RXFP1: variants seen among roughly 807,000 people sequenced by gnomAD.
RXFP1 encodes relaxin receptor 1.
Under a neutral mutation model 89.8 loss-of-function variants are expected in RXFP1, and 73 were observed. The observed-to-expected ratio is 0.81, with a 90% confidence interval of 0.67 to 0.99. The LOEUF is 0.99. Among genes scored for constraint, RXFP1 ranks in the 50% least tolerant of loss-of-function variants. The pLI, the probability that RXFP1 is intolerant of heterozygous loss-of-function variation, is 0.00. For missense variants in RXFP1, 793 were observed against 895.5 expected, an observed-to-expected ratio of 0.89 and a Z score of 1.46; for synonymous variants, 277 against 305.5, an observed-to-expected ratio of 0.91 and a Z score of 0.97.
chr4:158,631,287 C>T (rs1485199199), intron 11 of RXFP1, among the ~76,000 whole-genome samples: 3 of 152,190 alleles, frequency 2.0e-5, no homozygotes, highest in Admixed American at 6.5e-5. Context: ...CAATATTTTA[C>T]TTGGCTTCCT....
In RXFP1 at chr4:158,652,154, A is replaced by C. The variant is rs1381491863; in HGVS notation, c.*99A>C. On this transcript the variant is annotated 3_prime_UTR_variant, in exon 18 of 18. Coordinates refer to ENST00000307765, the MANE Select transcript of RXFP1 (RefSeq NM_021634.4). Reference sequence around the variant, plus strand: ...AATACCACAAAATTAATTTATAATAATAGCTAAGATAAATATTTTACAAGG... The same window carrying C: ...AATACCACAAAATTAATTTATAATACTAGCTAAGATAAATATTTTACAAGG... The C allele has an allele frequency of 1.1e-6, 1 of 944,240 alleles. No individual in the cohort carries two copies. Among genetic ancestry groups the C allele is most frequent in the Admixed American group, 2.9e-5 (1 of 34,326 alleles). 58.5% of individuals were successfully genotyped at this position (944,240 alleles called of 1,614,324 possible).
chr4:158,562,631 G>C (rs1752734047), intron 1 of RXFP1, among the ~76,000 whole-genome samples: 1 of 149,050 alleles, frequency 6.7e-6, no homozygotes, highest in Non-Finnish European at 1.5e-5. Flanking sequence ...GGTTACTTTT[G>C]AGCCAACAAT....
Position 158,599,327 on chromosome 4 carries a change from G to A in RXFP1, c.288G>A (p.Leu96=). Residue 96 remains leucine (L), a splice_region_variant and synonymous_variant, in exon 4 of 18, where the codon TTG becomes TTA. Coordinates refer to ENST00000307765, the MANE Select transcript of RXFP1 (RefSeq NM_021634.4). ...YPFEAETPEC[L]VGSVPVQCLC... is the part of the protein sequence containing the mutation. ...CCTTACCACTTCCCCTTGATTCAGT[G>A]GTCGGTTCTGTGCCAGTGCAATGTC... 2.5e-6 allele frequency: 4 copies of A among 1,613,766 alleles called. No homozygotes were observed. The highest frequency in any genetic ancestry group is 3.4e-6 in the Non-Finnish European group (4 of 1,179,892).
chr4:158,645,440 C>A (rs73860564), intron 15 of RXFP1, among the ~76,000 whole-genome samples: 1,922 of 152,268 alleles, frequency 0.013, 27 homozygotes, highest in African/African-American at 0.041. Context: ...AAATCTTTTA[C>A]TACAAATAAA....
At chr4:158,616,279 A>G (rs1764545955) in intron 8 of RXFP1, among the ~76,000 whole-genome samples, 1 of 151,848 alleles carries the variant, frequency 6.6e-6, no homozygotes, top group African/African-American at 2.4e-5. Flanking sequence ...AAAAGAAAAA[A>G]ATAGCCGGGC....
Position 158,542,079 on chromosome 4 carries a change from C to CCATATATATATATATATATA in RXFP1, c.49+20054_49+20055insCATATATATATATATATATA, listed in dbSNP as rs56378897. On this transcript the variant is annotated intron_variant, in intron 1 of 17. Coordinates refer to ENST00000307765, the MANE Select transcript of RXFP1 (RefSeq NM_021634.4). ...GGACTACAGGCAGGCGCCACCATGG[C>CCATATATATATATATATATA]TATATATATATATATATATATATAT... Among the ~76,000 whole-genome samples the CCATATATATATATATATATA allele has an allele frequency of 1.2e-3, 37 of 29,816 alleles. 4 individuals are homozygous for CCATATATATATATATATATA. The highest frequency in any genetic ancestry group is 1.5e-3 in the Non-Finnish European group (21 of 14,296). 19.6% of individuals were successfully genotyped at this position (29,816 alleles called of 152,430 possible).
chr4:158,626,831 G>A lies in RXFP1; in HGVS notation c.767G>A (p.Gly256Asp). Residue 256 changes from glycine (G) to aspartate (D), a missense_variant, in exon 10 of 18, where the codon GGC becomes GAC. Gly to Asp is a moderately conservative substitution (Grantham distance 94). Transcript: ENST00000307765. ...MPRLHWLDLE[G>D]NHIHNLRNLT... is the part of the protein sequence containing the mutation. Reference sequence around the variant, plus strand: ...TTTTTATGTTCCAGGGACCTTGAAGGCAACCATATCCATAATTTAAGAAAT... The same window carrying A: ...TTTTTATGTTCCAGGGACCTTGAAGACAACCATATCCATAATTTAAGAAAT... 1 of 1,564,632 alleles carries A rather than the reference G, an allele frequency of 6.4e-7. No individual in the cohort carries two copies. Among genetic ancestry groups the A allele is most frequent in the Non-Finnish European group, 8.7e-7 (1 of 1,147,864 alleles).
intron 1 of RXFP1, among the ~76,000 whole-genome samples, chr4:158,526,581 C>G (rs2149777589): frequency 6.6e-6 from 1 of 152,236 alleles, no homozygotes; most frequent in South Asian, 2.1e-4. Flanking sequence ...GGAAAAAGGA[C>G]AGTGTAAAGT....
chr4:158,633,569 G>T, intron 12 of RXFP1, 93 bp downstream of exon 12: 1 of 746,550 alleles, frequency 1.3e-6, no homozygotes, highest in East Asian at 2.9e-5. Context: ...CCATTTTTAA[G>T]TGTGTAGTTG....
At chr4:158,637,197 A>G (rs1214776052) in intron 12 of RXFP1, among the ~76,000 whole-genome samples, 1 of 152,212 alleles carries the variant, frequency 6.6e-6, no homozygotes, top group Non-Finnish European at 1.5e-5. Context: ...TAATGCTGCA[A>G]TGAATATGGG....
intron 2 of RXFP1, among the ~76,000 whole-genome samples, chr4:158,593,166 C>T (rs920359330): frequency 7.3e-5 from 11 of 151,530 alleles, no homozygotes; most frequent in African/African-American, 1.5e-4. Context: ...TGTTTTTAAT[C>T]GAAATAATTA....
intron 3 of RXFP1, 97 bp downstream of exon 3, chr4:158,593,596 T>C (rs1201190498): frequency 7.9e-6 from 5 of 630,760 alleles, no homozygotes; most frequent in Non-Finnish European, 1.3e-5. Flanking sequence ...TGCATCTCAA[T>C]CTGGAAATCA....
intron 1 of RXFP1, among the ~76,000 whole-genome samples, chr4:158,525,054 T>C (rs1742144363): frequency 6.6e-6 from 1 of 152,152 alleles, no homozygotes; most frequent in Non-Finnish European, 1.5e-5. Context: ...TTTCTGTAAC[T>C]ATGAAGAAGA....
At chr4:158,543,309 T>A (rs1046740477) in intron 1 of RXFP1, among the ~76,000 whole-genome samples, 1 of 152,208 alleles carries the variant, frequency 6.6e-6, no homozygotes, top group African/African-American at 2.4e-5. Flanking sequence ...ATCAAGTTCA[T>A]GTTCAAAGCA....
Position 158,639,312 on chromosome 4 carries a change from CT to C in RXFP1, c.1098del (p.Met367Ter). 1 of 1,555,042 alleles carries C rather than the reference CT, an allele frequency of 6.4e-7. No individual in the cohort carries two copies. The highest frequency in any genetic ancestry group is 8.9e-7 in the Non-Finnish European group (1 of 1,126,456). On this transcript the variant is annotated frameshift_variant, in exon 14 of 18. Transcript: ENST00000307765. LOFTEE classifies it high-confidence loss of function. ...SNIQQRMFRP[L>X]MNLSHIYFKK... ...TATCCAACAAAGGATGTTTAGACCTCTTATGAATCTCTCTCACATGTAAGTA... is the reference window on the plus strand; with the variant it reads ...TATCCAACAAAGGATGTTTAGACCTCTATGAATCTCTCTCACATGTAAGTA...
At chr4:158,530,969 A>G (rs976669005) in intron 1 of RXFP1, among the ~76,000 whole-genome samples, 1 of 152,146 alleles carries the variant, frequency 6.6e-6, no homozygotes, top group Non-Finnish European at 1.5e-5. Context: ...CAAAGTTTCT[A>G]TGCTAGTAAA....
intron 2 of RXFP1, among the ~76,000 whole-genome samples, chr4:158,587,270 C>T (rs189901002): frequency 3.1e-4 from 47 of 152,316 alleles, no homozygotes; most frequent in Non-Finnish European, 4.7e-4. Flanking sequence ...ATACTCAAAG[C>T]CTCAACATAC....
chr4:158,545,963 G>T (rs1163828319), intron 1 of RXFP1, among the ~76,000 whole-genome samples: 1 of 151,192 alleles, frequency 6.6e-6, no homozygotes, highest in Non-Finnish European at 1.5e-5. Flanking sequence ...GAACTTTAAA[G>T]TAGTTTTTTC....
At chr4:158,530,440 G>C (rs1356781409) in intron 1 of RXFP1, among the ~76,000 whole-genome samples, 1 of 152,080 alleles carries the variant, frequency 6.6e-6, no homozygotes, top group African/African-American at 2.4e-5. Flanking sequence ...ATATTTTAAT[G>C]GTTTTTTCCC....
Sources: gnomAD v4.1 joint callset for allele counts (sites outside exome capture counted in the v4.1 genomes callset) on GRCh38, gnomAD v4.1.1 for gene constraint, MANE v1.5 for transcripts, NCBI Gene and HGNC (gene_info 2026-07-23, HGNC 2026-07-21) for gene names.